The following NFIL3 variants were observed in gnomAD, a reference collection of about 807,000 sequenced individuals.
NFIL3 encodes nuclear factor interleukin-3-regulated protein.
Under a neutral mutation model 10.0 loss-of-function variants are expected in NFIL3, and 5 were observed. That is an observed-to-expected ratio of 0.50 (90% CI 0.26 to 1.06). The LOEUF (loss-of-function observed/expected upper bound fraction) is 1.06. NFIL3 is among the 50% of genes least tolerant of loss of function. NFIL3 has a pLI of 0.13. For missense variants in NFIL3, 436 were observed against 547.6 expected, an observed-to-expected ratio of 0.80 and a Z score of 2.03; for synonymous variants, 202 against 206.5, an observed-to-expected ratio of 0.98 and a Z score of 0.19.
At chr9:91,428,435 TC>T (rs533903991), upstream of NFIL3, among the ~76,000 whole-genome samples, 6 of 152,326 alleles carry the variant, frequency 3.9e-5, no homozygotes, top group African/African-American at 1.4e-4. Context: ...TGCCTCTCGG[TC>T]CCCTAACTTT....
At chr9:91,445,722 T>C in the NFIL3 span, among the ~76,000 whole-genome samples, 73 of 152,216 alleles carry the variant, frequency 4.8e-4, no homozygotes, top group African/African-American at 1.7e-3. Flanking sequence ...ACCTCAGCTA[T>C]GGTACTTGGA....
chr9:91,421,169 G>T (rs937689603), intron 1 of NFIL3, among the ~76,000 whole-genome samples: 1 of 152,134 alleles, frequency 6.6e-6, no homozygotes, highest in Admixed American at 6.5e-5. Context: ...TGCCCTGTTG[G>T]AAGGAGGGCC....
the NFIL3 span, among the ~76,000 whole-genome samples, chr9:91,466,348 G>A: frequency 6.6e-6 from 1 of 152,168 alleles, no homozygotes; most frequent in African/African-American, 2.4e-5. Flanking sequence ...CAGCTGAGAT[G>A]CTTCCTGAGA....
the NFIL3 span, among the ~76,000 whole-genome samples, chr9:91,435,007 G>A: frequency 1.1e-4 from 16 of 152,288 alleles, no homozygotes; most frequent in South Asian, 8.3e-4. Context: ...AACAGTATCC[G>A]TATGAGCCGT....
the NFIL3 span, among the ~76,000 whole-genome samples, chr9:91,452,774 T>G: frequency 2.8e-5 from 3 of 107,944 alleles, no homozygotes; most frequent in Admixed American, 2.4e-4. Context: ...GCAACAAGAG[T>G]GAAACTCTGT....
rs561603568 is a variant in NFIL3 at position 91,415,162 on chromosome 9, G to A, written c.-172-4256C>T. 7.2e-5 allele frequency among the ~76,000 whole-genome samples: 11 copies of A among 152,252 alleles called. 1 individual carries two copies. Among genetic ancestry groups the A allele is most frequent in the South Asian group, 4.1e-4 (2 of 4,820 alleles). Reference sequence around the variant, plus strand: ...AACTCCCGAGACCAGGCGCTCAGTCGTGGGTGGGTGGGAGACAAACAGGTG... The same window carrying A: ...AACTCCCGAGACCAGGCGCTCAGTCATGGGTGGGTGGGAGACAAACAGGTG... On this transcript the variant is annotated intron_variant, in intron 1 of 1. Transcript: ENST00000297689.
the NFIL3 span, among the ~76,000 whole-genome samples, chr9:91,436,303 C>T: frequency 2.0e-5 from 3 of 152,108 alleles, no homozygotes; most frequent in East Asian, 1.9e-4. Context: ...TGGGGCCGGG[C>T]GCGGTGGCTC....
At chr9:91,482,731 G>A in the NFIL3 span, among the ~76,000 whole-genome samples, 20 of 152,222 alleles carry the variant, frequency 1.3e-4, no homozygotes, top group East Asian at 3.5e-3. Flanking sequence ...TGAACTCTGT[G>A]ACCTCAGGTG....
chr9:91,470,606 G>C, the NFIL3 span, among the ~76,000 whole-genome samples: 8 of 152,020 alleles, frequency 5.3e-5, no homozygotes, highest in Admixed American at 4.6e-4. Flanking sequence ...TTTTAATTGT[G>C]ATGTTAGGGT....
At chr9:91,431,896 G>A in the NFIL3 span, among the ~76,000 whole-genome samples, 3 of 152,120 alleles carry the variant, frequency 2.0e-5, no homozygotes, top group African/African-American at 7.2e-5. Context: ...GATCCCCTTT[G>A]CCTCACCTGT....
the NFIL3 span, among the ~76,000 whole-genome samples, chr9:91,455,943 C>A: frequency 6.6e-6 from 1 of 152,146 alleles, no homozygotes; most frequent in Admixed American, 6.5e-5. Flanking sequence ...TCCCCCTTAC[C>A]CTCACCCAAT....
At chr9:91,457,347 G>A in the NFIL3 span, among the ~76,000 whole-genome samples, 3 of 151,884 alleles carry the variant, frequency 2.0e-5, no homozygotes, top group South Asian at 2.1e-4. Flanking sequence ...CTTCCAAGCT[G>A]TAAACACTTG....
chr9:91,462,756 T>G, the NFIL3 span, among the ~76,000 whole-genome samples: 1 of 148,198 alleles, frequency 6.7e-6, no homozygotes, highest in East Asian at 2.0e-4. Flanking sequence ...CTGGAAGAGA[T>G]TGTATTATTT....
chr9:91,430,269 T>A, the NFIL3 span, among the ~76,000 whole-genome samples: 15 of 152,050 alleles, frequency 9.9e-5, no homozygotes, highest in Middle Eastern at 3.4e-3. Flanking sequence ...ATAACAGAGG[T>A]GGATGGGGAT....
the NFIL3 span, among the ~76,000 whole-genome samples, chr9:91,458,277 T>C: frequency 6.6e-6 from 1 of 152,118 alleles, no homozygotes; most frequent in East Asian, 1.9e-4. Flanking sequence ...CCTGGAGTTT[T>C]CTTTGCTGGG....
the NFIL3 span, among the ~76,000 whole-genome samples, chr9:91,460,660 A>T: frequency 2.0e-5 from 3 of 152,116 alleles, no homozygotes; most frequent in African/African-American, 7.2e-5. Flanking sequence ...CCACCAAATC[A>T]CATTCTTTAT....
the NFIL3 span, among the ~76,000 whole-genome samples, chr9:91,440,599 AT>A: frequency 2.0e-5 from 3 of 151,678 alleles, no homozygotes; most frequent in Non-Finnish European, 4.4e-5. Flanking sequence ...TTTTTAGACT[AT>A]TTATTTGGGA....
the NFIL3 span, among the ~76,000 whole-genome samples, chr9:91,429,922 AACTT>A: frequency 2.6e-5 from 4 of 152,038 alleles, no homozygotes; most frequent in Non-Finnish European, 2.9e-5. Flanking sequence ...GGCTGTGGGC[AACTT>A]ACTTTTCTCG....
intron 1 of NFIL3, among the ~76,000 whole-genome samples, chr9:91,417,976 A>G (rs1464872722): frequency 1.4e-4 from 21 of 152,018 alleles, no homozygotes; most frequent in Admixed American, 1.4e-3. Context: ...TGAAAATTAA[A>G]TTTAAATTTA....
Sources: allele counts gnomAD v4.1 joint callset (sites outside exome capture counted in the v4.1 genomes callset), GRCh38; gene constraint gnomAD v4.1.1; transcripts MANE v1.5; gene names NCBI Gene and HGNC (gene_info 2026-07-23, HGNC 2026-07-21).